The following ADGRB3 variants were observed in gnomAD, a reference collection of about 807,000 sequenced individuals.
ADGRB3 encodes brain-specific angiogenesis inhibitor 3.
ADGRB3 carries 37 observed loss-of-function variants against 193.4 expected under a neutral mutation model. That is an observed-to-expected ratio of 0.19 (90% CI 0.15 to 0.25). The LOEUF (loss-of-function observed/expected upper bound fraction) is 0.25. Among genes scored for constraint, ADGRB3 ranks in the 10% least tolerant of loss-of-function variants. The pLI is 1.00. For synonymous variants in ADGRB3, 690 were observed against 644.2 expected (o/e 1.07, Z -1.08); for missense variants, 1,637 against 1,852.9 (o/e 0.88, Z 2.14).
chr6:68,829,291 G>A (rs1055842068), intron 3 of ADGRB3, among the ~76,000 whole-genome samples: 7 of 151,390 alleles, frequency 4.6e-5, no homozygotes, highest in Non-Finnish European at 1.0e-4. Context: ...TAGTAGAGAC[G>A]GAGTTTCAAC....
intron 11 of ADGRB3, among the ~76,000 whole-genome samples, chr6:69,008,782 CT>C (rs1482871257): frequency 6.6e-6 from 1 of 152,112 alleles, no homozygotes; most frequent in Non-Finnish European, 1.5e-5. Context: ...AGTCCTACAA[CT>C]TCTCAAAAGT....
At chr6:69,189,976 A>T (rs1473048489) in intron 17 of ADGRB3, among the ~76,000 whole-genome samples, 1 of 152,192 alleles carries the variant, frequency 6.6e-6, no homozygotes, top group African/African-American at 2.4e-5. Context: ...AGTGCAAGGC[A>T]GTATGTGTTT....
intron 3 of ADGRB3, among the ~76,000 whole-genome samples, chr6:68,910,622 A>C (rs1327752782): frequency 2.0e-5 from 3 of 152,206 alleles, no homozygotes; most frequent in African/African-American, 7.2e-5. Context: ...CTTTCTACAT[A>C]TGGCTATCCA....
At chr6:68,874,201 T>C (rs1233557118) in intron 3 of ADGRB3, among the ~76,000 whole-genome samples, 1 of 152,154 alleles carries the variant, frequency 6.6e-6, no homozygotes, top group African/African-American at 2.4e-5. Context: ...CATTTATAAA[T>C]GTGATTTCGG....
chr6:68,765,755 TG>T (rs1004195716), intron 3 of ADGRB3, among the ~76,000 whole-genome samples: 64 of 152,192 alleles, frequency 4.2e-4, no homozygotes, highest in African/African-American at 1.5e-3. Flanking sequence ...ATCATAAAAT[TG>T]GACAGTTTTG....
chr6:68,909,056 T>C (rs1439236646), intron 3 of ADGRB3, among the ~76,000 whole-genome samples: 2 of 152,186 alleles, frequency 1.3e-5, no homozygotes, highest in Non-Finnish European at 2.9e-5. Flanking sequence ...TTGGAAGACA[T>C]TGGAGATTTT....
intron 3 of ADGRB3, among the ~76,000 whole-genome samples, chr6:68,674,137 G>A (rs1291911036): frequency 6.6e-6 from 1 of 152,002 alleles, no homozygotes; most frequent in African/African-American, 2.4e-5. Flanking sequence ...TATACTAGAG[G>A]CAATTTATCT....
intron 30 of ADGRB3, among the ~76,000 whole-genome samples, chr6:69,380,661 T>A (rs1279418508): frequency 6.7e-6 from 1 of 150,092 alleles, no homozygotes; most frequent in Non-Finnish European, 1.5e-5. Context: ...AATGAGGGGA[T>A]TGCCTCACTT....
chr6:68,638,726 G>C lies in ADGRB3; in HGVS notation c.51G>C (p.Leu17=), dbSNP rs535804293. Residue 17 remains leucine (L), a synonymous_variant, in exon 3 of 32, where the codon CTG becomes CTC. Transcript: ENST00000370598. ...LLIYIFSTYL[L]VMFGFNAAQD... is the part of the protein sequence containing the mutation. ...TTTATATATTTTCCACCTATCTCCT[G>C]GTTATGTTTGGATTTAATGCTGCCC... is the stretch of plus-strand genomic sequence containing the variant. 6.2e-7 allele frequency: 1 copy of C among 1,614,038 alleles called. No homozygotes were observed. The highest frequency in any genetic ancestry group is 1.3e-5 in the African/African-American group (1 of 75,004).
At chr6:69,152,134 A>G (rs575742926) in intron 17 of ADGRB3, among the ~76,000 whole-genome samples, 1 of 152,334 alleles carries the variant, frequency 6.6e-6, no homozygotes, top group South Asian at 2.1e-4. Context: ...CAGCATGAGA[A>G]CAGACTAATA....
chr6:68,709,290 G>T (rs1765373035), intron 3 of ADGRB3, among the ~76,000 whole-genome samples: 1 of 152,058 alleles, frequency 6.6e-6, no homozygotes, highest in African/African-American at 2.4e-5. Context: ...GAGATGGAGT[G>T]CTGCATACTA....
chr6:69,122,494 A>AGGGGGGGGGGGGG (rs1773739170), intron 17 of ADGRB3, among the ~76,000 whole-genome samples: 9 of 3,826 alleles, frequency 2.4e-3, no homozygotes, highest in Admixed American at 4.4e-3. Flanking sequence ...GGGGAGGGGG[A>AGGGGGGGGGGGGG]GGGGGAGAGG....
chr6:68,890,956 A>G (rs996254793), intron 3 of ADGRB3, among the ~76,000 whole-genome samples: 3 of 152,214 alleles, frequency 2.0e-5, no homozygotes, highest in African/African-American at 7.2e-5. Flanking sequence ...AACTAAATGT[A>G]GGAATAGTGT....
intron 3 of ADGRB3, among the ~76,000 whole-genome samples, chr6:68,686,100 C>A (rs147749589): frequency 5.3e-5 from 8 of 152,104 alleles, no homozygotes; most frequent in African/African-American, 1.4e-4. Context: ...TCAGAAGGAG[C>A]CAAAGAAGGA....
chr6:69,129,870 T>C (rs924134372), intron 17 of ADGRB3, among the ~76,000 whole-genome samples: 9 of 152,194 alleles, frequency 5.9e-5, no homozygotes, highest in African/African-American at 2.2e-4. Context: ...AGTCCTCTCC[T>C]GGAATATCTT....
rs1767933070 is a variant in ADGRB3, at chr6:68,635,789, C to G, written c.-399C>G. 1 of 153,076 alleles carries G rather than the reference C, an allele frequency of 6.5e-6. No homozygotes were observed. Among genetic ancestry groups the G allele is most frequent in the African/African-American group, 2.4e-5 (1 of 41,364 alleles). 9.5% of individuals were successfully genotyped at this position (153,076 alleles called of 1,614,324 possible). On this transcript the variant is annotated 5_prime_UTR_variant, in exon 1 of 32. Coordinates refer to ENST00000370598, the MANE Select transcript of ADGRB3 (RefSeq NM_001704.3). ...GCTCCTGCTGGCTTTTTTTTCCTCTCTCTCATCGACCCCCCTTTGGTTCCC... is the reference window on the plus strand; with the variant it reads ...GCTCCTGCTGGCTTTTTTTTCCTCTGTCTCATCGACCCCCCTTTGGTTCCC...
At chr6:68,879,213 C>CTTTTTT (rs529789046) in intron 3 of ADGRB3, among the ~76,000 whole-genome samples, 24 of 91,914 alleles carry the variant, frequency 2.6e-4, no homozygotes, top group African/African-American at 5.3e-4. Context: ...CTTTTTGTCG[C>CTTTTTT]TTTTTTTTTT....
intron 3 of ADGRB3, among the ~76,000 whole-genome samples, chr6:68,891,697 T>C (rs1485929534): frequency 6.6e-6 from 1 of 152,160 alleles, no homozygotes; most frequent in East Asian, 1.9e-4. Flanking sequence ...GTGTCTTGAA[T>C]TTAACCCACC....
intron 3 of ADGRB3, among the ~76,000 whole-genome samples, chr6:68,849,907 A>G (rs766320050): frequency 6.6e-6 from 1 of 151,814 alleles, no homozygotes; most frequent in Non-Finnish European, 1.5e-5. Flanking sequence ...GTGAGAAGAT[A>G]ATATAAAAAT....
Sources: gnomAD v4.1 joint callset for allele counts (sites outside exome capture counted in the v4.1 genomes callset) on GRCh38, gnomAD v4.1.1 for gene constraint, MANE v1.5 for transcripts, NCBI Gene and HGNC (gene_info 2026-07-23, HGNC 2026-07-21) for gene names.